Variants in VIPR2 observed in about 807,000 individuals in gnomAD.
The protein encoded by VIPR2 is vasoactive intestinal peptide receptor 2.
In VIPR2, 48 loss-of-function variants were observed where a neutral mutation model predicts 58.0. The observed-to-expected ratio is 0.83, with a 90% CI of 0.66 to 1.05. VIPR2 has a LOEUF of 1.05. VIPR2 is among the 50% of genes least tolerant of loss of function. The pLI is 0.00. For synonymous variants in VIPR2, 243 were observed against 235.2 expected (o/e 1.03, Z -0.30); for missense variants, 534 against 558.0 (o/e 0.96, Z 0.43).
intron 4 of VIPR2, 113 bp from the exon 5 acceptor site, chr7:159,058,691 T>A: frequency 1.3e-6 from 1 of 782,892 alleles, no homozygotes; most frequent in Non-Finnish European, 2.1e-6. Flanking sequence ...CTTGCCTGCC[T>A]GGAAGGCACG....
rs886714306 is a variant in VIPR2 at position 159,097,030 on chromosome 7, G to A, written c.357+6727C>T. 5 of 1,550,180 alleles carry A rather than the reference G, an allele frequency of 3.2e-6. No homozygotes were observed. In the African/African-American group the frequency reaches 4.1e-5, roughly 13 times the overall value. ...TGCTCTCAGAGGTGATTTGGGGCAG[G>A]CCGCTCTGGGGGTCTCTGGCAGGCT... On this transcript the variant is annotated intron_variant, in intron 4 of 12. Coordinates refer to ENST00000262178, the MANE Select transcript of VIPR2 (RefSeq NM_003382.5). This position sits in a 1 kb window ranked among gnomAD's most constrained non-coding sequence, Gnocchi z 5.3.
intron 4 of VIPR2, among the ~76,000 whole-genome samples, chr7:159,087,322 T>G (rs1440051004): frequency 9.5e-6 from 1 of 105,720 alleles, no homozygotes; most frequent in Non-Finnish European, 1.9e-5. Context: ...CCCAGGACTC[T>G]GATAGTGAGA....
chr7:159,070,567 C>T (rs1563295891), intron 4 of VIPR2, among the ~76,000 whole-genome samples: 1 of 152,192 alleles, frequency 6.6e-6, no homozygotes, highest in Non-Finnish European at 1.5e-5. Flanking sequence ...GACAGCACGT[C>T]AGGCGTTGTG....
At chr7:159,036,112 C>T (rs111793064) in intron 7 of VIPR2, 100 bp from the exon 8 acceptor site, 279 of 1,362,756 alleles carry the variant, frequency 2.0e-4, no homozygotes, top group Non-Finnish European at 2.5e-4. Context: ...CGCTTTCTCA[C>T]GGGAATATTA....
At chr7:159,144,182 C>T (rs1797592811) in intron 1 of VIPR2, 2 of 1,022,316 alleles carry the variant, frequency 2.0e-6, no homozygotes. Flanking sequence ...TGCGAAGGCA[C>T]TTAATCAACA....
rs189347928 is a variant in VIPR2, at chr7:159,085,269, C to G, written c.357+18488G>C. On this transcript the variant is annotated intron_variant, in intron 4 of 12. Coordinates refer to ENST00000262178, the MANE Select transcript of VIPR2 (RefSeq NM_003382.5). ...CCAGATTGAGTCTCACTGCTCCGTTCCCACAACACGGATGAGGCGGGTGGA... is the reference window on the plus strand; with the variant it reads ...CCAGATTGAGTCTCACTGCTCCGTTGCCACAACACGGATGAGGCGGGTGGA... 3.7e-3 allele frequency among the ~76,000 whole-genome samples: 561 copies of G among 152,268 alleles called. 3 individuals are homozygous for G. The highest frequency in any genetic ancestry group is 0.013 in the African/African-American group (524 of 41,556).
At chr7:159,108,151 T>G (rs905205947) in intron 3 of VIPR2, among the ~76,000 whole-genome samples, 1 of 152,232 alleles carries the variant, frequency 6.6e-6, no homozygotes, top group Non-Finnish European at 1.5e-5. Context: ...CTGACTTTCA[T>G]TTCTTTCTAA....
chr7:159,044,492 C>A (rs970993108), intron 5 of VIPR2, among the ~76,000 whole-genome samples: 3 of 151,480 alleles, frequency 2.0e-5, no homozygotes, highest in African/African-American at 7.3e-5. Context: ...CAAAAATTAT[C>A]CTTGAGGCAT....
chr7:159,110,176 C>T (rs1795937649), intron 2 of VIPR2, among the ~76,000 whole-genome samples: 1 of 152,192 alleles, frequency 6.6e-6, no homozygotes, highest in Non-Finnish European at 1.5e-5. Context: ...TCATTACTTA[C>T]TTCTTGTGAT....
chr7:159,030,213 C>T lies in VIPR2; in HGVS notation c.*403G>A, dbSNP rs1346867297. On this transcript the variant is annotated 3_prime_UTR_variant, in exon 13 of 13. Transcript: ENST00000262178. ...ACAAAAAATTAGCCAGGCGTGTTGG[C>T]GGGCGCCTGTAGTCCCAGCTATGGG... 3 of 180,054 alleles carry T rather than the reference C, an allele frequency of 1.7e-5. No individual in the cohort carries two copies. Among genetic ancestry groups the T allele is most frequent in the Non-Finnish European group, 3.4e-5 (3 of 87,644 alleles). The allele number at this position is 180,054 out of a possible 1,614,324, so 11.2% of individuals were successfully genotyped here.
chr7:159,096,873 C>G lies in VIPR2; in HGVS notation c.357+6884G>C. On this transcript the variant is annotated intron_variant, in intron 4 of 12. Coordinates refer to ENST00000262178, the MANE Select transcript of VIPR2 (RefSeq NM_003382.5). The surrounding 1 kb of genome is among the most constrained non-coding windows in gnomAD (Gnocchi z 5.5). ...CGCCGTACTGTGTCCATGGCTGAGA[C>G]CACCCTCTCTGTGGCCGCCTTGCTG... The G allele has an allele frequency of 6.5e-7, 1 of 1,547,500 alleles. No individual in the cohort carries two copies. Among genetic ancestry groups the G allele is most frequent in the Non-Finnish European group, 8.7e-7 (1 of 1,145,452 alleles).
At chr7:159,140,083 G>GT (rs372853585) in intron 2 of VIPR2, among the ~76,000 whole-genome samples, 37 of 137,772 alleles carry the variant, frequency 2.7e-4, no homozygotes, top group African/African-American at 4.2e-4. Flanking sequence ...TTTTGTTTTT[G>GT]TTTTTTTTTT....
At position 159,144,842 on chromosome 7, in the gene VIPR2, C is replaced by T. The variant is rs930743514; in HGVS notation, c.-71G>A. On this transcript the variant is annotated 5_prime_UTR_variant, in exon 1 of 13. Coordinates refer to ENST00000262178, the MANE Select transcript of VIPR2 (RefSeq NM_003382.5). The stretch of plus-strand genomic sequence containing the variant: ...TCCTAGGTCCCCGCGGTTCCGCCGC[C>T]TCCAGCATGGGCCGGGAGCGAGTGC... 5.8e-6 allele frequency: 7 copies of T among 1,215,022 alleles called. No homozygotes were observed. The African/African-American group carries it at 7.8e-5, about 14-fold the overall frequency. 75.3% of individuals were successfully genotyped at this position (1,215,022 alleles called of 1,614,324 possible).
rs547270659 is a variant in VIPR2 at position 159,097,371 on chromosome 7, G to T, written c.357+6386C>A. On this transcript the variant is annotated intron_variant, in intron 4 of 12. Coordinates refer to ENST00000262178, the MANE Select transcript of VIPR2 (RefSeq NM_003382.5). This position sits in a 1 kb window ranked among gnomAD's most constrained non-coding sequence, Gnocchi z 5.3. ...TAAATTTAGCAGACGTGCTCTTTAT[G>T]TAAGAACGGAGTTAACCAGTATGTA... Among the ~76,000 whole-genome samples the T allele has an allele frequency of 6.6e-6, 1 of 152,226 alleles. No individual in the cohort carries two copies. The highest frequency in any genetic ancestry group is 6.5e-5 in the Admixed American group (1 of 15,292).
chr7:159,117,528 G>A, intron 2 of VIPR2: 1 of 659,852 alleles, frequency 1.5e-6, no homozygotes, highest in Non-Finnish European at 2.8e-6. Flanking sequence ...GACACAGATG[G>A]GTGCAACTCC....
intron 2 of VIPR2, among the ~76,000 whole-genome samples, chr7:159,138,710 G>A (rs905023580): frequency 2.6e-5 from 4 of 152,256 alleles, no homozygotes; most frequent in Admixed American, 1.3e-4. Flanking sequence ...AAGGAAAAGC[G>A]GGGTCTACCC....
intron 2 of VIPR2, among the ~76,000 whole-genome samples, chr7:159,119,361 C>T (rs910075919): frequency 6.6e-6 from 1 of 152,200 alleles, no homozygotes; most frequent in Non-Finnish European, 1.5e-5. Flanking sequence ...GAGCTGGGTG[C>T]ACGGGGCCTC....
rs370613428 is a variant in VIPR2, at chr7:159,090,904, A to G, written c.357+12853T>C. Among the ~76,000 whole-genome samples the G allele has an allele frequency of 5.2e-5, 2 of 38,162 alleles. 1 individual carries two copies. The highest frequency in any genetic ancestry group is 1.1e-4 in the Non-Finnish European group (2 of 18,936). 25.0% of individuals were successfully genotyped at this position (38,162 alleles called of 152,430 possible). On this transcript the variant is annotated intron_variant, in intron 4 of 12. Transcript: ENST00000262178. ...CTGGGATCACGCACAGGGGCCACCT[A>G]TTGTGACTATCACAATCCCCGGTGA... is the stretch of plus-strand genomic sequence containing the variant.
intron 6 of VIPR2, among the ~76,000 whole-genome samples, chr7:159,039,998 C>T (rs1317454972): frequency 6.6e-6 from 1 of 152,234 alleles, no homozygotes; most frequent in East Asian, 1.9e-4. Context: ...CTGGCACATT[C>T]TGCTGAAGGA....
Sources: allele counts gnomAD v4.1 joint callset (sites outside exome capture counted in the v4.1 genomes callset), GRCh38; gene constraint gnomAD v4.1.1; non-coding constraint Gnocchi (gnomAD v3.1); transcripts MANE v1.5; gene names NCBI Gene and HGNC (gene_info 2026-07-23, HGNC 2026-07-21).